The following CREB5 variants were observed in gnomAD, a reference collection of about 807,000 sequenced individuals.
CREB5 encodes cyclic AMP-responsive element-binding protein 5.
A neutral mutation model predicts 57.1 loss-of-function variants in CREB5; 19 were observed. The ratio of observed to expected loss-of-function variants is 0.33; its 90% CI spans 0.23 to 0.49. The LOEUF (loss-of-function observed/expected upper bound fraction) is 0.49. Ranked by LOEUF, CREB5 falls within the 20% of genes least tolerant of loss-of-function variation. The pLI is 0.99. For synonymous variants in CREB5, 238 were observed against 238.3 expected (o/e 1.00, Z 0.01); for missense variants, 579 against 671.6 (o/e 0.86, Z 1.52).
chr7:28,612,543 GGTGTGTGT>G (rs59074697), intron 5 of CREB5, among the ~76,000 whole-genome samples: 3,181 of 137,328 alleles, frequency 0.023, 60 homozygotes, highest in East Asian at 0.056. Context: ...TTAGAGAAGG[GGTGTGTGT>G]GTGTGTGTGT....
chr7:28,430,054 G>C (rs1788655100), intron 1 of CREB5, among the ~76,000 whole-genome samples: 1 of 152,152 alleles, frequency 6.6e-6, no homozygotes, highest in South Asian at 2.1e-4. Flanking sequence ...ATTACATGAG[G>C]GAATTATATC....
intron 5 of CREB5, among the ~76,000 whole-genome samples, chr7:28,585,632 C>G (rs552901645): frequency 6.6e-6 from 1 of 152,288 alleles, no homozygotes; most frequent in African/African-American, 2.4e-5. Context: ...TTCCCTGGCT[C>G]TGAGTGATTT....
At chr7:28,379,518 C>T (rs1562683096) in intron 1 of CREB5, among the ~76,000 whole-genome samples, 2 of 152,236 alleles carry the variant, frequency 1.3e-5, no homozygotes, top group Admixed American at 6.5e-5. Context: ...GATGCTTCCT[C>T]TGCTTAACTC....
intron 7 of CREB5, among the ~76,000 whole-genome samples, chr7:28,761,040 C>T (rs73684296): frequency 4.7e-4 from 71 of 152,232 alleles, no homozygotes; most frequent in African/African-American, 1.5e-3. Flanking sequence ...TGCCTACATG[C>T]GCTTCCTCCG....
At chr7:28,611,851 A>G (rs1281336779) in intron 5 of CREB5, among the ~76,000 whole-genome samples, 2 of 152,132 alleles carry the variant, frequency 1.3e-5, no homozygotes, top group East Asian at 3.8e-4. Flanking sequence ...GCCAAATCTC[A>G]TAGAACTGTA....
At chr7:28,682,568 T>C (rs1800648134) in intron 5 of CREB5, among the ~76,000 whole-genome samples, 1 of 152,138 alleles carries the variant, frequency 6.6e-6, no homozygotes, top group Non-Finnish European at 1.5e-5. Context: ...TCTGAAATTA[T>C]CTGGCCCCTC....
chr7:28,373,138 C>T (rs946897220), intron 1 of CREB5, among the ~76,000 whole-genome samples: 5 of 152,170 alleles, frequency 3.3e-5, no homozygotes, highest in Admixed American at 3.3e-4. Context: ...AGCATAAGAC[C>T]TGCGTTCTAT....
In CREB5 at chr7:28,820,414, A is replaced by ATTTTTTTTTT. The variant is rs58545065; in HGVS notation, c.*1139_*1148dup. 2.7e-5 allele frequency: 4 copies of ATTTTTTTTTT among 147,580 alleles called. No homozygotes were observed. The highest frequency in any genetic ancestry group is 1.5e-5 in the Non-Finnish European group (1 of 66,940). The allele number at this position is 147,580 out of a possible 1,614,324, so 9.1% of individuals were successfully genotyped here. A position where few individuals can be genotyped will look rare whatever the true frequency, so the allele number is the denominator to read the frequency against. On this transcript the variant is annotated 3_prime_UTR_variant, in exon 11 of 11. Coordinates refer to ENST00000357727, the MANE Select transcript of CREB5 (RefSeq NM_182898.4). Reference sequence around the variant, plus strand: ...ATCAGCTGCTAATAGCCTAAGATTTATTTTTTTTTTTTTCTTAAGCCTATG... The same window carrying ATTTTTTTTTT: ...ATCAGCTGCTAATAGCCTAAGATTTATTTTTTTTTTTTTTTTTTTTTTTCTTAAGCCTATG...
intron 5 of CREB5, among the ~76,000 whole-genome samples, chr7:28,658,953 GTATA>G (rs72106956): frequency 0.073 from 7,272 of 99,486 alleles, 811 homozygotes; most frequent in African/African-American, 0.2. Context: ...GTGTGTGTGT[GTATA>G]TATATATATA....
At chr7:28,804,556 A>G in intron 8 of CREB5, 34 bp downstream of exon 8, 6 of 1,604,628 alleles carry the variant, frequency 3.7e-6, no homozygotes, top group Non-Finnish European at 5.1e-6. Context: ...TCCCCTTCTT[A>G]TTCTCCTTCT....
intron 7 of CREB5, among the ~76,000 whole-genome samples, chr7:28,766,393 G>A (rs541784568): frequency 1.3e-5 from 2 of 152,084 alleles, no homozygotes; most frequent in African/African-American, 4.8e-5. Flanking sequence ...TCAGTCCTCT[G>A]TCACACTAAA....
intron 4 of CREB5, among the ~76,000 whole-genome samples, chr7:28,569,921 G>T (rs1795631172): frequency 6.7e-6 from 1 of 149,262 alleles, no homozygotes; most frequent in Non-Finnish European, 1.5e-5. Flanking sequence ...TATATATATG[G>T]TTGGGCACTC....
rs182066969 is a variant in CREB5, at chr7:28,691,633, A to T, written c.465-27120A>T. 3.9e-5 allele frequency among the ~76,000 whole-genome samples: 6 copies of T among 152,114 alleles called. No homozygotes were observed. In the East Asian group the frequency reaches 1.2e-3, roughly 30 times the overall value. On this transcript the variant is annotated intron_variant, in intron 5 of 10. Coordinates refer to ENST00000357727, the MANE Select transcript of CREB5 (RefSeq NM_182898.4). The stretch of plus-strand genomic sequence containing the variant: ...ATGGCGGGTAGTGGAATTAGACAAC[A>T]TCTCTGGGGTCCAAGAGGCACCTTG...
At chr7:28,360,609 A>T (rs1321569664) in intron 1 of CREB5, among the ~76,000 whole-genome samples, 6 of 152,222 alleles carry the variant, frequency 3.9e-5, no homozygotes, top group Non-Finnish European at 8.8e-5. Context: ...ACAATATTTC[A>T]GTTAGACTGG....
chr7:28,802,401 G>C (rs982645402), intron 7 of CREB5, among the ~76,000 whole-genome samples: 1 of 151,958 alleles, frequency 6.6e-6, no homozygotes, highest in African/African-American at 2.4e-5. Flanking sequence ...TTTTTCAATA[G>C]TGTATGTAAC....
At chr7:28,467,884 A>G (rs1255448406) in intron 1 of CREB5, among the ~76,000 whole-genome samples, 1 of 152,148 alleles carries the variant, frequency 6.6e-6, no homozygotes, top group Non-Finnish European at 1.5e-5. Flanking sequence ...TTACAGGGAG[A>G]TGGGTTACAG....
intron 5 of CREB5, among the ~76,000 whole-genome samples, chr7:28,656,537 A>T (rs1188415939): frequency 6.6e-6 from 1 of 152,238 alleles, no homozygotes; most frequent in Non-Finnish European, 1.5e-5. Context: ...TCGTGTATAA[A>T]TGATCCAAAG....
In CREB5 at chr7:28,819,500, T is replaced by C; in HGVS notation, c.*221T>C. ...ATATCTATCAGCTTGGGAAACGCTT[T>C]GGTGCTTTTCTCCAGTTTTCTGGTA... On this transcript the variant is annotated 3_prime_UTR_variant, in exon 11 of 11. Coordinates refer to ENST00000357727, the MANE Select transcript of CREB5 (RefSeq NM_182898.4). 2.1e-6 allele frequency: 1 copy of C among 476,162 alleles called. No individual in the cohort carries two copies. 29.5% of individuals were successfully genotyped at this position (476,162 alleles called of 1,614,324 possible).
At chr7:28,817,530 A>G (rs1290616780) in intron 9 of CREB5, among the ~76,000 whole-genome samples, 2 of 152,254 alleles carry the variant, frequency 1.3e-5, no homozygotes, top group Non-Finnish European at 1.5e-5. Flanking sequence ...ATCCTACCAC[A>G]TAATTCTGCC....
Sources: gnomAD v4.1 joint callset for allele counts (sites outside exome capture counted in the v4.1 genomes callset) on GRCh38, gnomAD v4.1.1 for gene constraint, MANE v1.5 for transcripts, NCBI Gene and HGNC (gene_info 2026-07-23, HGNC 2026-07-21) for gene names.